The following CNTN4 variants were observed in gnomAD, a reference collection of about 807,000 sequenced individuals.
The protein encoded by CNTN4 is contactin-4.
A neutral mutation model predicts 122.5 loss-of-function variants in CNTN4; 77 were observed. That is an observed-to-expected ratio of 0.63 (90% CI 0.52 to 0.76). CNTN4 has a LOEUF of 0.76. CNTN4 is among the 30% of genes least tolerant of loss of function. The probability of loss-of-function intolerance (pLI) is 0.00; values close to 1 mark genes in which losing one functional copy is unlikely to be tolerated. For synonymous variants in CNTN4, 512 were observed against 447.0 expected (o/e 1.15, Z -1.83); for missense variants, 1,256 against 1,259.1 (o/e 1.00, Z 0.04).
intron 2 of CNTN4, chr3:2,262,377 C>T (rs897264457): frequency 3.3e-5 from 5 of 152,162 alleles, no homozygotes; most frequent in South Asian, 4.2e-4. Flanking sequence ...CTGCCAGAGC[C>T]CACTTGGACT....
intron 2 of CNTN4, among the ~76,000 whole-genome samples, chr3:2,288,365 A>G (rs186254245): frequency 2.6e-5 from 4 of 152,056 alleles, no homozygotes; most frequent in African/African-American, 9.7e-5. Context: ...AGGAAGAGAG[A>G]TAGAGGGGAG....
intron 3 of CNTN4, among the ~76,000 whole-genome samples, chr3:2,353,492 C>T (rs183238272): frequency 1.9e-3 from 296 of 152,212 alleles, no homozygotes; most frequent in African/African-American, 5.2e-3. Context: ...GTCTGCACTG[C>T]CCTTAAGAGC....
intron 4 of CNTN4, among the ~76,000 whole-genome samples, chr3:2,710,217 G>C (rs1442455390): frequency 6.6e-6 from 1 of 152,126 alleles, no homozygotes; most frequent in Non-Finnish European, 1.5e-5. Flanking sequence ...TGTTAGTTTT[G>C]CAGGCCTCAG....
At chr3:2,222,868 C>G (rs2039115565) in intron 2 of CNTN4, among the ~76,000 whole-genome samples, 1 of 152,156 alleles carries the variant, frequency 6.6e-6, no homozygotes, top group Admixed American at 6.5e-5. Context: ...ACTGGAATTA[C>G]CACCATTATG....
chr3:2,720,424 G>A (rs1381079043), intron 4 of CNTN4, among the ~76,000 whole-genome samples: 1 of 152,126 alleles, frequency 6.6e-6, no homozygotes, highest in African/African-American at 2.4e-5. Flanking sequence ...GAGACCTGGG[G>A]AAGATTAAAG....
At chr3:2,735,967 C>T (rs758495957) in intron 4 of CNTN4, 29 of 606,746 alleles carry the variant, frequency 4.8e-5, no homozygotes, top group South Asian at 2.0e-4. Flanking sequence ...AAGCAGCCTG[C>T]GCCTGGAAGT....
Position 2,736,692 on chromosome 3 carries a change from A to G in CNTN4, c.182+351A>G, listed in dbSNP as rs372503100. 1.9e-4 allele frequency among the ~76,000 whole-genome samples: 29 copies of G among 151,888 alleles called. No homozygotes were observed. In the South Asian group the frequency reaches 6.0e-3, roughly 32 times the overall value. ...TGGTCAGGCTGGTCTTGAACTCCCA[A>G]CCTCAGGTGATCCACCTGCTTCAGC... is the stretch of plus-strand genomic sequence containing the variant. On this transcript the variant is annotated intron_variant, in intron 5 of 24. Transcript: ENST00000418658.
At chr3:2,545,604 T>G (rs1050493436) in intron 3 of CNTN4, among the ~76,000 whole-genome samples, 20 of 151,934 alleles carry the variant, frequency 1.3e-4, no homozygotes, top group Non-Finnish European at 2.2e-4. Context: ...AACCCTTTAC[T>G]GTTATGTAAT....
chr3:2,343,457 C>T (rs1392890917), intron 3 of CNTN4, among the ~76,000 whole-genome samples: 1 of 152,158 alleles, frequency 6.6e-6, no homozygotes, highest in African/African-American at 2.4e-5. Flanking sequence ...TCACTTCAGT[C>T]TCTTATTGGT....
At chr3:2,565,471 C>G (rs920084352) in intron 3 of CNTN4, among the ~76,000 whole-genome samples, 2 of 152,122 alleles carry the variant, frequency 1.3e-5, no homozygotes, top group Admixed American at 1.3e-4. Context: ...TAGGAATTTT[C>G]ATTATCCAAG....
chr3:2,387,908 G>A (rs1195623746), intron 3 of CNTN4, among the ~76,000 whole-genome samples: 1 of 152,294 alleles, frequency 6.6e-6, no homozygotes, highest in East Asian at 1.9e-4. Context: ...ATTGCTCTGT[G>A]CCATGCAAGC....
intron 3 of CNTN4, among the ~76,000 whole-genome samples, chr3:2,417,067 A>G (rs1224494951): frequency 1.3e-5 from 2 of 152,224 alleles, no homozygotes; most frequent in Non-Finnish European, 2.9e-5. Context: ...TAAGGGCTTC[A>G]GCTCCCTTAG....
intron 4 of CNTN4, among the ~76,000 whole-genome samples, chr3:2,652,733 A>AT (rs754994676): frequency 2.6e-5 from 4 of 152,084 alleles, no homozygotes; most frequent in African/African-American, 7.2e-5. Context: ...ATGGTATGTG[A>AT]TTTTTTATAG....
chr3:3,055,111 A>C (rs1344772511), intron 24 of CNTN4, among the ~76,000 whole-genome samples: 3 of 152,182 alleles, frequency 2.0e-5, no homozygotes, highest in African/African-American at 7.2e-5. Context: ...TCTTTTTTGC[A>C]TACAAACACA....
intron 8 of CNTN4, chr3:2,882,904 G>A (rs2093928764): frequency 2.3e-6 from 1 of 440,270 alleles, no homozygotes. Flanking sequence ...GGGCAAAGTT[G>A]TATGCATGGA....
chr3:2,514,971 CCT>C (rs2076999020), intron 3 of CNTN4, among the ~76,000 whole-genome samples: 1 of 151,722 alleles, frequency 6.6e-6, no homozygotes, highest in Non-Finnish European at 1.5e-5. Flanking sequence ...TCTCCTTCTC[CCT>C]GTCTGTCCCG....
At chr3:2,719,915 A>G (rs1334725953) in intron 4 of CNTN4, among the ~76,000 whole-genome samples, 1 of 152,174 alleles carries the variant, frequency 6.6e-6, no homozygotes, top group African/African-American at 2.4e-5. Flanking sequence ...ATACCAGCTT[A>G]TTCTACATTC....
At chr3:2,624,488 C>G (rs371479035) in intron 4 of CNTN4, among the ~76,000 whole-genome samples, 1 of 152,164 alleles carries the variant, frequency 6.6e-6, no homozygotes, top group South Asian at 2.1e-4. Flanking sequence ...AACCTTGCAA[C>G]CTGCCTGTCA....
At chr3:2,198,481 T>A (rs1003658317) in intron 2 of CNTN4, among the ~76,000 whole-genome samples, 18 of 152,304 alleles carry the variant, frequency 1.2e-4, no homozygotes, top group South Asian at 2.1e-4. Context: ...TTACTTATGG[T>A]TGTGAAATCA....
Sources: allele counts gnomAD v4.1 joint callset (sites outside exome capture counted in the v4.1 genomes callset), GRCh38; gene constraint gnomAD v4.1.1; transcripts MANE v1.5; gene names NCBI Gene and HGNC (gene_info 2026-07-23, HGNC 2026-07-21).